Variants in PRELID2 observed in about 807,000 individuals in gnomAD.
PRELID2 encodes PRELI domain containing 2.
A neutral mutation model predicts 28.4 loss-of-function variants in PRELID2; 25 were observed. That is an observed-to-expected ratio of 0.88 (90% CI 0.64 to 1.23). The LOEUF is 1.23. PRELID2 is among the 50% of genes most tolerant of loss of function. The pLI is 0.00. For missense variants in PRELID2, 201 were observed against 214.4 expected, an observed-to-expected ratio of 0.94 and a Z score of 0.39; for synonymous variants, 76 against 71.6, an observed-to-expected ratio of 1.06 and a Z score of -0.31.
chr5:145,245,516 T>C, the PRELID2 span, among the ~76,000 whole-genome samples: 19,466 of 152,034 alleles, frequency 0.13, 3,109 homozygotes, highest in African/African-American at 0.38. Context: ...GGCCTGCTCC[T>C]CTGAAGTCCA....
intron 1 of PRELID2, among the ~76,000 whole-genome samples, chr5:145,708,503 T>C (rs1261231819): frequency 6.6e-6 from 1 of 152,176 alleles, no homozygotes; most frequent in African/African-American, 2.4e-5. Context: ...GTTTTTTTCT[T>C]GTATGTATGT....
At chr5:145,419,319 G>C in the PRELID2 span, among the ~76,000 whole-genome samples, 1 of 127,112 alleles carries the variant, frequency 7.9e-6, no homozygotes, top group Non-Finnish European at 1.7e-5. Flanking sequence ...ACTTCCACAA[G>C]GGTTGAACTA....
chr5:145,335,440 T>G, the PRELID2 span, among the ~76,000 whole-genome samples: 1 of 151,640 alleles, frequency 6.6e-6, no homozygotes, highest in African/African-American at 2.4e-5. Context: ...ATTTTGAAAG[T>G]CTTTGTCAGG....
chr5:145,347,553 T>C, the PRELID2 span, among the ~76,000 whole-genome samples: 14 of 152,150 alleles, frequency 9.2e-5, no homozygotes, highest in Admixed American at 8.5e-4. Flanking sequence ...AAATAAGGGT[T>C]TGTGGTGGCT....
chr5:145,604,748 G>GTTTTTTTT (rs377653737), intron 1 of PRELID2, among the ~76,000 whole-genome samples: 15 of 108,996 alleles, frequency 1.4e-4, no homozygotes, highest in Non-Finnish European at 2.0e-4. Context: ...GTTTTTTTTG[G>GTTTTTTTT]TTTTTTTTTT....
rs187615945 is a variant in PRELID2 at position 145,743,748 on chromosome 5, T to C, written n.70+21183A>G. The stretch of plus-strand genomic sequence containing the variant: ...GGCTGGGGTCCCAACCCTGGAGCCA[T>C]GCAGATTCTCAACAGCCTCTCAGCC... On this transcript the variant is annotated intron_variant and non_coding_transcript_variant, in intron 1 of 2. Coordinates refer to the PRELID2 transcript ENST00000510259. 2.9e-3 allele frequency among the ~76,000 whole-genome samples: 436 copies of C among 152,316 alleles called. 2 individuals are homozygous for C. Among genetic ancestry groups the C allele is most frequent in the African/African-American group, 9.6e-3 (400 of 41,568 alleles).
the PRELID2 span, among the ~76,000 whole-genome samples, chr5:145,457,638 C>G: frequency 2.0e-5 from 3 of 152,110 alleles, no homozygotes; most frequent in Admixed American, 1.3e-4. Context: ...ACTGAGACCC[C>G]ACTAGACAAA....
intron 1 of PRELID2, among the ~76,000 whole-genome samples, chr5:145,532,489 A>G (rs982930779): frequency 1.3e-5 from 2 of 152,080 alleles, no homozygotes; most frequent in African/African-American, 2.4e-5. Context: ...AACATTTACA[A>G]TCTGCTCTTA....
At chr5:145,732,107 T>C (rs1756362850) in intron 1 of PRELID2, among the ~76,000 whole-genome samples, 1 of 152,208 alleles carries the variant, frequency 6.6e-6, no homozygotes, top group African/African-American at 2.4e-5. Context: ...TATATTTAAA[T>C]TTTGGGGATT....
chr5:145,411,584 T>C, the PRELID2 span, among the ~76,000 whole-genome samples: 95,625 of 152,102 alleles, frequency 0.63, 31,173 homozygotes, highest in Non-Finnish European at 0.72. Flanking sequence ...TGGGCTGACA[T>C]TGAGTGTCTG....
rs1203935121 is a variant in PRELID2, at chr5:145,796,509, CCT to C, written c.405_406del (p.Val137TrpfsTer24). 8 of 1,608,986 alleles carry C rather than the reference CCT, an allele frequency of 5.0e-6. No homozygotes were observed. The Admixed American group carries it at 1.2e-4, about 24-fold the overall frequency. On this transcript the variant is annotated frameshift_variant, in exon 5 of 7. Coordinates refer to ENST00000683046, the MANE Select transcript of PRELID2 (RefSeq NM_205846.3). LOFTEE classifies it high-confidence loss of function. ...TAAAACACAGTTGAGAAATCCAACCCCTGTGATTGAAATCCTGCCTCTTTGAA... is the reference window on the plus strand; with the variant it reads ...TAAAACACAGTTGAGAAATCCAACCCGTGATTGAAATCCTGCCTCTTTGAA...
the PRELID2 span, among the ~76,000 whole-genome samples, chr5:145,400,775 C>T: frequency 6.6e-6 from 1 of 152,112 alleles, no homozygotes; most frequent in Non-Finnish European, 1.5e-5. Flanking sequence ...AGCAAGGAAA[C>T]ACATTGAGAC....
At chr5:145,424,950 C>T in the PRELID2 span, among the ~76,000 whole-genome samples, 2 of 152,034 alleles carry the variant, frequency 1.3e-5, no homozygotes, top group Non-Finnish European at 2.9e-5. Flanking sequence ...ACCTTCTGCA[C>T]AGCAAAAGAA....
At chr5:145,393,791 G>A in the PRELID2 span, among the ~76,000 whole-genome samples, 5 of 152,136 alleles carry the variant, frequency 3.3e-5, no homozygotes, top group Non-Finnish European at 5.9e-5. Context: ...AAAATTTTAG[G>A]CCAAATTTAA....
rs900805165 is a variant in PRELID2, at chr5:145,613,762, A to G, written n.71-140447T>C. Among the ~76,000 whole-genome samples the G allele has an allele frequency of 3.9e-5, 6 of 151,980 alleles. No homozygotes were observed. The East Asian group carries it at 1.2e-3, about 29-fold the overall frequency. ...GTATATATTATAAAGATTTTCTCCC[A>G]TTCTGTGGGTTGTCCATTTACTCTG... is the stretch of plus-strand genomic sequence containing the variant. On this transcript the variant is annotated intron_variant and non_coding_transcript_variant, in intron 1 of 2. Transcript: ENST00000510259.
chr5:145,331,785 G>T, the PRELID2 span, among the ~76,000 whole-genome samples: 4 of 152,050 alleles, frequency 2.6e-5, no homozygotes, highest in African/African-American at 9.7e-5. Context: ...GGTTAATATT[G>T]TTATGTGTAA....
At chr5:145,463,678 A>G in the PRELID2 span, among the ~76,000 whole-genome samples, 1 of 152,314 alleles carries the variant, frequency 6.6e-6, no homozygotes, top group Non-Finnish European at 1.5e-5. Context: ...GACAATAGCA[A>G]ACAGAATGCA....
chr5:145,720,500 CA>C (rs1339975666), intron 1 of PRELID2, among the ~76,000 whole-genome samples: 3 of 151,892 alleles, frequency 2.0e-5, no homozygotes, highest in Non-Finnish European at 4.4e-5. Flanking sequence ...ATTTTATATT[CA>C]GCTAAGCTGT....
chr5:145,300,652 T>C, the PRELID2 span, among the ~76,000 whole-genome samples: 1 of 151,274 alleles, frequency 6.6e-6, no homozygotes, highest in Non-Finnish European at 1.5e-5. Context: ...ACTACCAAGA[T>C]TACAAGTAAC....
Sources: allele counts gnomAD v4.1 joint callset (sites outside exome capture counted in the v4.1 genomes callset), GRCh38; gene constraint gnomAD v4.1.1; transcripts MANE v1.5; gene names NCBI Gene and HGNC (gene_info 2026-07-23, HGNC 2026-07-21).